SORCS2: variants seen among roughly 807,000 people sequenced by gnomAD.
The protein encoded by SORCS2 is VPS10 domain-containing receptor SorCS2.
A neutral mutation model predicts 141.6 loss-of-function variants in SORCS2; 100 were observed. The observed-to-expected ratio is 0.71, with a 90% CI of 0.60 to 0.83. The LOEUF (loss-of-function observed/expected upper bound fraction) is 0.83. SORCS2 is among the 40% of genes least tolerant of loss of function. The pLI is 0.00. For missense variants in SORCS2, 1,646 were observed against 1,560.2 expected, an observed-to-expected ratio of 1.05 and a Z score of -0.93; for synonymous variants, 789 against 676.9, an observed-to-expected ratio of 1.17 and a Z score of -2.57.
At chr4:7,612,501 G>A (rs1475796364) in intron 3 of SORCS2, among the ~76,000 whole-genome samples, 1 of 152,136 alleles carries the variant, frequency 6.6e-6, no homozygotes, top group African/African-American at 2.4e-5. Flanking sequence ...ACACTACATG[G>A]GGTGTGGCCG....
At chr4:7,423,534 C>T (rs4358403) in intron 2 of SORCS2, among the ~76,000 whole-genome samples, 28,666 of 152,212 alleles carry the variant, frequency 0.19, 3,022 homozygotes, top group Middle Eastern at 0.33. Context: ...CCCATCCCAG[C>T]CTCCCTAAGT....
chr4:7,629,373 G>C (rs2108844363), intron 3 of SORCS2, among the ~76,000 whole-genome samples: 1 of 152,298 alleles, frequency 6.6e-6, no homozygotes, highest in African/African-American at 2.4e-5. Context: ...CCAGAGCCAG[G>C]TGAGAGGGAC....
intron 2 of SORCS2, among the ~76,000 whole-genome samples, chr4:7,453,362 A>T (rs1204514037): frequency 8.4e-5 from 5 of 59,470 alleles, no homozygotes; most frequent in South Asian, 5.9e-4. Context: ...TGGGGTCAGG[A>T]GCTGTGTGTT....
At chr4:7,621,112 C>A (rs1225028091) in intron 3 of SORCS2, among the ~76,000 whole-genome samples, 2 of 152,188 alleles carry the variant, frequency 1.3e-5, no homozygotes, top group African/African-American at 2.4e-5. Context: ...CAGGCACCTC[C>A]CCTGCTGGGG....
Position 7,742,561 on chromosome 4 carries a change from C to T in SORCS2, c.*2297C>T, listed in dbSNP as rs962139578. On this transcript the variant is annotated 3_prime_UTR_variant, in exon 27 of 27. Transcript: ENST00000507866. ...CATGTTGGGCATGTGGACCCAAGCA[C>T]CTGGGAAGGAGGTGGCATCTGAGAC... 1 of 152,162 alleles carries T rather than the reference C, an allele frequency of 6.6e-6. No individual in the cohort carries two copies. Among genetic ancestry groups the T allele is most frequent in the Non-Finnish European group, 1.5e-5 (1 of 68,038 alleles). 9.4% of individuals were successfully genotyped at this position (152,162 alleles called of 1,614,324 possible).
chr4:7,459,170 G>A (rs1729127864), intron 2 of SORCS2, among the ~76,000 whole-genome samples: 1 of 152,132 alleles, frequency 6.6e-6, no homozygotes, highest in African/African-American at 2.4e-5. Flanking sequence ...GCCACACAGA[G>A]CTCAGATCCG....
At chr4:7,581,632 G>A (rs1467594118) in intron 3 of SORCS2, among the ~76,000 whole-genome samples, 3 of 152,146 alleles carry the variant, frequency 2.0e-5, no homozygotes, top group African/African-American at 7.2e-5. Flanking sequence ...CCCAGGACAG[G>A]AGCCCTCACG....
chr4:7,390,931 C>T (rs902437303), intron 1 of SORCS2, among the ~76,000 whole-genome samples: 2 of 152,156 alleles, frequency 1.3e-5, no homozygotes, highest in African/African-American at 2.4e-5. Flanking sequence ...GGAGAAACCG[C>T]GAACTCTGCG....
chr4:7,413,473 A>AACCTCC (rs1725459046), intron 2 of SORCS2, among the ~76,000 whole-genome samples: 1 of 133,474 alleles, frequency 7.5e-6, no homozygotes, highest in African/African-American at 2.8e-5. Flanking sequence ...GGCTCACTGC[A>AACCTCC]ACCTCCACCT....
intron 2 of SORCS2, among the ~76,000 whole-genome samples, chr4:7,436,348 A>G (rs1727298021): frequency 6.6e-6 from 1 of 152,182 alleles, no homozygotes; most frequent in Non-Finnish European, 1.5e-5. Context: ...ATCGCCTGAC[A>G]TTCCCAGGGC....
chr4:7,452,906 C>G (rs1728568062), intron 2 of SORCS2, among the ~76,000 whole-genome samples: 1 of 117,156 alleles, frequency 8.5e-6, no homozygotes, highest in Non-Finnish European at 1.7e-5. Flanking sequence ...GTGTTGGGGT[C>G]AGGTGCTGTG....
At chr4:7,516,425 G>A (rs1296418277) in intron 2 of SORCS2, among the ~76,000 whole-genome samples, 3 of 152,172 alleles carry the variant, frequency 2.0e-5, no homozygotes, top group Admixed American at 1.3e-4. Context: ...CTGGGACCCT[G>A]CAGGTTGTTC....
Position 7,550,032 on chromosome 4 carries a change from G to C in SORCS2, c.648+18403G>C, listed in dbSNP as rs535230198. ...AATCCACAGGCGGATGAACAGAGCAGGGCCGGGGAGAGCTGGTGGCAACTG... is the reference window on the plus strand; with the variant it reads ...AATCCACAGGCGGATGAACAGAGCACGGCCGGGGAGAGCTGGTGGCAACTG... On this transcript the variant is annotated intron_variant, in intron 3 of 26. Transcript: ENST00000507866. Among the ~76,000 whole-genome samples, 13 of 151,918 alleles carry C rather than the reference G, an allele frequency of 8.6e-5. No homozygotes were observed. In the South Asian group the frequency reaches 2.7e-3, roughly 32 times the overall value.
chr4:7,630,555 C>G (rs4689809), intron 3 of SORCS2, among the ~76,000 whole-genome samples: 38,042 of 152,134 alleles, frequency 0.25, 6,254 homozygotes, highest in East Asian at 0.74. Context: ...GTCACCCAGA[C>G]ATGACCATCA....
At chr4:7,389,656 G>T (rs796749024) in intron 1 of SORCS2, among the ~76,000 whole-genome samples, 3 of 152,334 alleles carry the variant, frequency 2.0e-5, no homozygotes, top group African/African-American at 7.2e-5. Flanking sequence ...GGGTGCACAG[G>T]GTGGTCAGGG....
At chr4:7,717,954 G>T (rs1004455505) in intron 17 of SORCS2, 58 bp from the exon 18 acceptor site, 4 of 1,492,992 alleles carry the variant, frequency 2.7e-6, no homozygotes, top group Middle Eastern at 1.8e-4. Context: ...CCAGACTATG[G>T]GGCCCCATCC....
At chr4:7,671,247 T>C (rs1202078997) in intron 8 of SORCS2, among the ~76,000 whole-genome samples, 1 of 152,186 alleles carries the variant, frequency 6.6e-6, no homozygotes, top group East Asian at 1.9e-4. Context: ...ATTATTAATG[T>C]CCAATCTAAC....
At chr4:7,237,637 G>A (rs1268345930) in intron 1 of SORCS2, among the ~76,000 whole-genome samples, 1 of 152,044 alleles carries the variant, frequency 6.6e-6, no homozygotes, top group African/African-American at 2.4e-5. Context: ...AAAGCAGACG[G>A]GATTCTATGT....
intron 3 of SORCS2, among the ~76,000 whole-genome samples, chr4:7,585,433 G>T (rs1716474645): frequency 1.3e-5 from 2 of 152,186 alleles, no homozygotes; most frequent in Non-Finnish European, 1.5e-5. Flanking sequence ...GCCCTCAGGA[G>T]GTGACCTGGT....
Sources: allele counts gnomAD v4.1 joint callset (sites outside exome capture counted in the v4.1 genomes callset), GRCh38; gene constraint gnomAD v4.1.1; transcripts MANE v1.5; gene names NCBI Gene and HGNC (gene_info 2026-07-23, HGNC 2026-07-21).